Variants in CENPE observed in about 807,000 individuals in gnomAD.
The protein encoded by CENPE is centromere protein E.
Under a neutral mutation model 336.1 loss-of-function variants are expected in CENPE, and 145 were observed. The observed-to-expected ratio is 0.43, with a 90% CI of 0.38 to 0.50. The LOEUF (loss-of-function observed/expected upper bound fraction) is 0.50. Ranked by LOEUF, CENPE falls within the 20% of genes least tolerant of loss-of-function variation. The pLI is 0.00. For missense variants in CENPE, 2,719 were observed against 3,023.3 expected, an observed-to-expected ratio of 0.90 and a Z score of 2.36; for synonymous variants, 1,013 against 984.8, an observed-to-expected ratio of 1.03 and a Z score of -0.54.
intron 24 of CENPE, 32 bp from the exon 25 acceptor site, chr4:103,153,282 T>A (rs1412407565): frequency 7.0e-7 from 1 of 1,432,510 alleles, no homozygotes; most frequent in Non-Finnish European, 9.6e-7. Flanking sequence ...GAAGAATTTC[T>A]TAAGTAGTTA....
rs546564218 is a variant in CENPE, at chr4:103,127,111, A to AC, written c.6925-4023_6925-4022insG. Among the ~76,000 whole-genome samples, 87 of 150,956 alleles carry AC rather than the reference A, an allele frequency of 5.8e-4. 1 individual carries two copies. The highest frequency in any genetic ancestry group is 5.9e-4 in the Admixed American group (9 of 15,216). On this transcript the variant is annotated intron_variant, in intron 42 of 48. Coordinates refer to ENST00000265148, the MANE Select transcript of CENPE (RefSeq NM_001813.3). ...CGGGACAAATATAAAAAAAAAAAAA[A>AC]ACCAAAAAAACCCCCGAAAAAAAAC...
intron 8 of CENPE, among the ~76,000 whole-genome samples, chr4:103,190,768 A>T (rs1016657053): frequency 6.6e-5 from 10 of 152,148 alleles, no homozygotes; most frequent in Non-Finnish European, 1.0e-4. Flanking sequence ...AAAAGCAATG[A>T]CAACAAAAGC....
In CENPE at chr4:103,194,433, GC is replaced by G. The variant is rs1209877410; in HGVS notation, c.567del (p.Arg189SerfsTer8). The G allele has an allele frequency of 6.2e-7, 1 of 1,605,382 alleles. No homozygotes were observed. The highest frequency in any genetic ancestry group is 8.5e-7 in the Non-Finnish European group (1 of 1,174,872). ...LKWITKGEKS[R>X]HYGETKMNQR... ...TGATTCATTTTTGTTTCTCCATAAT[GC>G]CTGCTCTCTGTAAAAATGAGTTATA... On this transcript the variant is annotated frameshift_variant, in exon 7 of 49. Transcript: ENST00000265148. LOFTEE classifies it high-confidence loss of function.
At chr4:103,133,487 C>T (rs1408910696) in intron 41 of CENPE, among the ~76,000 whole-genome samples, 1 of 152,164 alleles carries the variant, frequency 6.6e-6, no homozygotes. Context: ...TTCTGACTCC[C>T]AGCATAGACA....
Position 103,122,789 on chromosome 4 carries a change from G to T in CENPE, c.7143+82C>A, listed in dbSNP as rs145837625. 2.9e-3 allele frequency: 2,949 copies of T among 1,009,130 alleles called. 7 individuals are homozygous for T. Among genetic ancestry groups the T allele is most frequent in the Non-Finnish European group, 3.8e-3 (2,498 of 650,084 alleles). The allele number at this position is 1,009,130 out of a possible 1,614,324, so 62.5% of individuals were successfully genotyped here. A position where few individuals can be genotyped will look rare whatever the true frequency, so the allele number is the denominator to read the frequency against. On this transcript the variant is annotated intron_variant, in intron 43 of 48. Coordinates refer to ENST00000265148, the MANE Select transcript of CENPE (RefSeq NM_001813.3). ...ACAAAAATAAATGTGTTCATGTTCA[G>T]TAATAAGTAAATACTATAATTTTGC...
chr4:103,186,407 C>T (rs571162656), intron 8 of CENPE, among the ~76,000 whole-genome samples: 2 of 152,340 alleles, frequency 1.3e-5, no homozygotes, highest in South Asian at 4.1e-4. Context: ...AACTGCATAA[C>T]CAGAAATCTT....
intron 1 of CENPE, 88 bp downstream of exon 1, chr4:103,198,176 C>G: frequency 7.7e-7 from 1 of 1,306,854 alleles, no homozygotes. Context: ...GAAGCAGCGG[C>G]TCCTGGAAAC....
chr4:103,182,082 CTT>C (rs869229169), intron 11 of CENPE: 26 of 142,350 alleles, frequency 1.8e-4, no homozygotes, highest in Admixed American at 2.8e-4. Flanking sequence ...TTTTCCTTTC[CTT>C]TTTTTTTTTT....
Position 103,123,090 on chromosome 4 carries a change from C to G in CENPE, c.6925-1G>C, listed in dbSNP as rs1750781259. Reference sequence around the variant, plus strand: ...ACTCTGTTGATTCATTCATTATGGCCTATTGAACAGTAAAATACCATTATA... The same window carrying G: ...ACTCTGTTGATTCATTCATTATGGCGTATTGAACAGTAAAATACCATTATA... On this transcript the variant is annotated splice_acceptor_variant, in intron 42 of 48. Coordinates refer to ENST00000265148, the MANE Select transcript of CENPE (RefSeq NM_001813.3). LOFTEE classifies it high-confidence loss of function. 1 of 1,608,278 alleles carries G rather than the reference C, an allele frequency of 6.2e-7. No homozygotes were observed. The highest frequency in any genetic ancestry group is 8.5e-7 in the Non-Finnish European group (1 of 1,175,042).
chr4:103,129,599 G>A (rs1017450688), intron 42 of CENPE, among the ~76,000 whole-genome samples: 1 of 151,996 alleles, frequency 6.6e-6, no homozygotes, highest in Non-Finnish European at 1.5e-5. Flanking sequence ...AGCCAGGCGT[G>A]GTGGTGCGTG....
At chr4:103,170,903 A>C (rs1464655942) in intron 16 of CENPE, among the ~76,000 whole-genome samples, 1 of 152,200 alleles carries the variant, frequency 6.6e-6, no homozygotes, top group Non-Finnish European at 1.5e-5. Flanking sequence ...ATATCAGCTA[A>C]AATAGACTTT....
chr4:103,158,350 A>G lies in CENPE; in HGVS notation c.2983T>C (p.Leu995=), dbSNP rs1011684868. 2.5e-5 allele frequency: 41 copies of G among 1,609,770 alleles called. No individual in the cohort carries two copies. The highest frequency in any genetic ancestry group is 3.3e-5 in the Non-Finnish European group (39 of 1,178,288). ...TCTCCTGTATTTTCCTCCATATGCA[A>G]ATTCCTGGAAACTTCCTCAGAAATT... ...SKISEEVSRN[L]HMEENTGETK... is the part of the protein sequence containing the mutation. The change falls in exon 24 of 49, where the codon TTG becomes CTG. Residue 995 remains leucine, a synonymous_variant. Coordinates refer to ENST00000265148, the MANE Select transcript of CENPE (RefSeq NM_001813.3).
chr4:103,112,309 ATATACT>A lies in CENPE; in HGVS notation c.7541-1304_7541-1299del, dbSNP rs1326225859. ...AAAACATAAGATATTTGCTTGTACT[ATATACT>A]TATAAGTGTATATATATATACACTT... On this transcript the variant is annotated intron_variant, in intron 46 of 48. Coordinates refer to ENST00000265148, the MANE Select transcript of CENPE (RefSeq NM_001813.3). Among the ~76,000 whole-genome samples, 3 of 144,838 alleles carry A rather than the reference ATATACT, an allele frequency of 2.1e-5. No homozygotes were observed. In the Admixed American group the frequency reaches 2.1e-4, roughly 10 times the overall value.
In CENPE at chr4:103,161,426, T is replaced by G; in HGVS notation, c.1874A>C (p.Gln625Pro). 1 of 1,611,928 alleles carries G rather than the reference T, an allele frequency of 6.2e-7. No homozygotes were observed. The highest frequency in any genetic ancestry group is 1.3e-5 in the African/African-American group (1 of 74,980). ...ESIEDPKQMK[Q>P]TLFDAETVAL... ...TACAGTTTCAGCATCAAACAGAGTC[T>G]GCTTCATTTGTTTTGGGTCTTCAAT... The change falls in exon 19 of 49, where the codon CAG (glutamine) becomes CCG (proline). Residue 625 changes from glutamine to proline, a missense_variant. Coordinates refer to ENST00000265148, the MANE Select transcript of CENPE (RefSeq NM_001813.3).
intron 42 of CENPE, among the ~76,000 whole-genome samples, chr4:103,129,476 C>T (rs75124075): frequency 6.6e-5 from 10 of 152,224 alleles, no homozygotes; most frequent in African/African-American, 2.4e-4. Context: ...CGGTGGTTCA[C>T]GCCTGTAATC....
At chr4:103,150,149 C>G (rs768503597) in intron 26 of CENPE, among the ~76,000 whole-genome samples, 1 of 152,122 alleles carries the variant, frequency 6.6e-6, no homozygotes, top group Non-Finnish European at 1.5e-5. Context: ...ATGGGTGGCT[C>G]CCCCAAATAC....
At chr4:103,182,662 C>A in intron 11 of CENPE, 100 bp downstream of exon 11, 1 of 945,434 alleles carries the variant, frequency 1.1e-6, no homozygotes. Flanking sequence ...TTATAACAGG[C>A]GAGTTAATTA....
chr4:103,175,219 G>A (rs1405800586), intron 15 of CENPE, among the ~76,000 whole-genome samples: 2 of 151,866 alleles, frequency 1.3e-5, no homozygotes, highest in Non-Finnish European at 2.9e-5. Flanking sequence ...AGATGGTTCT[G>A]AATTCAAGAA....
intron 35 of CENPE, among the ~76,000 whole-genome samples, chr4:103,141,333 C>A (rs975913349): frequency 1.3e-5 from 2 of 152,020 alleles, no homozygotes; most frequent in Non-Finnish European, 2.9e-5. Context: ...AAACTACAAC[C>A]CAGATTAAAA....
Sources: allele counts gnomAD v4.1 joint callset (sites outside exome capture counted in the v4.1 genomes callset), GRCh38; gene constraint gnomAD v4.1.1; transcripts MANE v1.5; gene names NCBI Gene and HGNC (gene_info 2026-07-23, HGNC 2026-07-21).